The following GCNT4 variants were observed in gnomAD, a reference collection of about 807,000 sequenced individuals.
GCNT4 encodes the protein beta-1,3-galactosyl-O-glycosyl-glycoprotein beta-1,6-N-acetylglucosaminyltransferase 4.
In GCNT4, 17 loss-of-function variants were observed where a neutral mutation model predicts 31.3. The ratio of observed to expected loss-of-function variants is 0.54; its 90% CI spans 0.37 to 0.81. The LOEUF (loss-of-function observed/expected upper bound fraction) is 0.81. GCNT4 is among the 40% of genes least tolerant of loss of function. The pLI is 0.00. For synonymous variants in GCNT4, 158 were observed against 190.6 expected, an observed-to-expected ratio of 0.83 and a Z score of 1.41; for missense variants, 503 against 525.5, an observed-to-expected ratio of 0.96 and a Z score of 0.42.
chr5:75,042,955 C>T (rs1379508251), intron 3 of GCNT4, among the ~76,000 whole-genome samples: 1 of 152,234 alleles, frequency 6.6e-6, no homozygotes, highest in South Asian at 2.1e-4. Flanking sequence ...ATCTGCAGTG[C>T]TTGGGAAAAT....
intron 3 of GCNT4, among the ~76,000 whole-genome samples, chr5:75,039,422 C>A (rs1475936646): frequency 6.6e-6 from 1 of 152,160 alleles, no homozygotes; most frequent in Non-Finnish European, 1.5e-5. Flanking sequence ...ATACTCCATT[C>A]AATTATTCTA....
chr5:75,047,178 T>C (rs1012098458), intron 3 of GCNT4, among the ~76,000 whole-genome samples: 1 of 152,244 alleles, frequency 6.6e-6, no homozygotes, highest in Admixed American at 6.5e-5. Context: ...ATAAAACTTA[T>C]ATTAAATAAA....
intron 3 of GCNT4, among the ~76,000 whole-genome samples, chr5:75,045,115 T>G (rs149425146): frequency 1.3e-5 from 2 of 152,358 alleles, no homozygotes; most frequent in African/African-American, 4.8e-5. Context: ...ATATTCTTTT[T>G]TTCTATTATG....
At chr5:75,042,605 G>A (rs1004289516) in intron 3 of GCNT4, among the ~76,000 whole-genome samples, 14 of 152,180 alleles carry the variant, frequency 9.2e-5, no homozygotes, top group Non-Finnish European at 2.1e-4. Context: ...GAAATGGCTT[G>A]AGGCCAGACC....
chr5:75,041,977 T>A (rs1016618506), intron 3 of GCNT4, among the ~76,000 whole-genome samples: 2 of 152,180 alleles, frequency 1.3e-5, no homozygotes, highest in African/African-American at 4.8e-5. Flanking sequence ...TTCTAAAAAA[T>A]ATCAGAAGAT....
intron 2 of GCNT4, among the ~76,000 whole-genome samples, chr5:75,048,318 C>G (rs965106076): frequency 2.0e-5 from 3 of 152,004 alleles, no homozygotes; most frequent in Non-Finnish European, 4.4e-5. Context: ...AAGCAGATTA[C>G]CTGGATCTAG....
intron 3 of GCNT4, among the ~76,000 whole-genome samples, chr5:75,046,995 G>T (rs548680226): frequency 6.6e-6 from 1 of 152,294 alleles, no homozygotes; most frequent in East Asian, 1.9e-4. Flanking sequence ...TACAAACTTT[G>T]TTACACAACC....
chr5:75,032,876 T>TGTGG (rs1743099352), intron 3 of GCNT4, among the ~76,000 whole-genome samples: 4 of 22,072 alleles, frequency 1.8e-4, no homozygotes, highest in Non-Finnish European at 2.7e-4. Context: ...AATAGGGGTG[T>TGTGG]GTGTGTGTGT....
chr5:75,050,638 A>G (rs1743548361), intron 2 of GCNT4, among the ~76,000 whole-genome samples: 1 of 151,916 alleles, frequency 6.6e-6, no homozygotes, highest in African/African-American at 2.4e-5. Flanking sequence ...AATAAAACCA[A>G]ACTTGTCTTT....
chr5:75,030,101 A>G (rs573482408), intron 3 of GCNT4, 63 bp from the exon 4 acceptor site: 2 of 1,473,380 alleles, frequency 1.4e-6, no homozygotes, highest in Non-Finnish European at 1.8e-6. Flanking sequence ...CAGTTTATCC[A>G]AAATCTACTG....
chr5:75,024,545 A>T (rs1376602245), downstream of GCNT4, among the ~76,000 whole-genome samples: 2 of 152,142 alleles, frequency 1.3e-5, no homozygotes. Context: ...TGATGATAAC[A>T]AATACTCAGC....
At chr5:75,037,652 A>G (rs922949734) in intron 3 of GCNT4, among the ~76,000 whole-genome samples, 3 of 152,032 alleles carry the variant, frequency 2.0e-5, no homozygotes, top group Non-Finnish European at 2.9e-5. Flanking sequence ...GCCTGAGTGC[A>G]GATCACCTGA....
intron 3 of GCNT4, among the ~76,000 whole-genome samples, chr5:75,045,569 T>C (rs1265469701): frequency 6.6e-6 from 1 of 152,256 alleles, no homozygotes; most frequent in African/African-American, 2.4e-5. Context: ...TTTCAGCTAT[T>C]GCGAATAATT....
At chr5:75,051,327 C>T (rs1470496363) in intron 2 of GCNT4, among the ~76,000 whole-genome samples, 3 of 152,268 alleles carry the variant, frequency 2.0e-5, no homozygotes, top group Non-Finnish European at 2.9e-5. Flanking sequence ...GGACAGTTCA[C>T]AGCCTGGTTC....
intron 3 of GCNT4, among the ~76,000 whole-genome samples, chr5:75,046,272 G>A (rs1001124422): frequency 6.6e-6 from 1 of 152,212 alleles, no homozygotes; most frequent in East Asian, 1.9e-4. Flanking sequence ...GGTAGAAGGT[G>A]ATGGCTGGGC....
At chr5:75,036,920 A>C (rs1259555755) in intron 3 of GCNT4, among the ~76,000 whole-genome samples, 2 of 152,230 alleles carry the variant, frequency 1.3e-5, no homozygotes, top group East Asian at 3.8e-4. Flanking sequence ...TAATTGTTTT[A>C]GAAAACTTTC....
rs1742960910 is a variant in GCNT4, at chr5:75,027,100, AT to A, written c.*1575del. On this transcript the variant is annotated 3_prime_UTR_variant, in exon 4 of 4. Transcript: ENST00000652361. ...CTTTAAATATAATATCTGAGGCTAC[AT>A]TTTTATTTACTGAGGCTGCCATTGA... The A allele has an allele frequency of 6.6e-6, 1 of 151,244 alleles. No individual in the cohort carries two copies. The highest frequency in any genetic ancestry group is 1.5e-5 in the Non-Finnish European group (1 of 67,878). The allele number at this position is 151,244 out of a possible 1,614,324, so 9.4% of individuals were successfully genotyped here.
At chr5:75,040,570 T>C (rs1743295846) in intron 3 of GCNT4, among the ~76,000 whole-genome samples, 1 of 152,208 alleles carries the variant, frequency 6.6e-6, no homozygotes, top group African/African-American at 2.4e-5. Context: ...TTCCCATGTG[T>C]TAAATGGGAT....
intron 3 of GCNT4, among the ~76,000 whole-genome samples, chr5:75,045,232 A>T (rs1743411667): frequency 1.3e-5 from 2 of 152,160 alleles, no homozygotes; most frequent in African/African-American, 4.8e-5. Flanking sequence ...CAATCCATCC[A>T]CAGAACACGG....
Sources: allele counts gnomAD v4.1 joint callset (sites outside exome capture counted in the v4.1 genomes callset), GRCh38; gene constraint gnomAD v4.1.1; transcripts MANE v1.5; gene names NCBI Gene and HGNC (gene_info 2026-07-23, HGNC 2026-07-21).